The following MCC variants were observed in gnomAD, a reference collection of about 807,000 sequenced individuals.
MCC encodes colorectal mutant cancer protein.
Under a neutral mutation model 116.2 loss-of-function variants are expected in MCC, and 90 were observed. The observed-to-expected ratio is 0.77, with a 90% confidence interval of 0.65 to 0.92. The LOEUF (loss-of-function observed/expected upper bound fraction) is 0.92, where lower values mean the gene tolerates loss of function less well. MCC is among the 40% of genes least tolerant of loss of function. The pLI, the probability that MCC is intolerant of heterozygous loss-of-function variation, is 0.00. For synonymous variants in MCC, 578 were observed against 510.5 expected (o/e 1.13, Z -1.78); for missense variants, 1,516 against 1,312.2 (o/e 1.16, Z -2.40).
chr5:113,047,219 C>T (rs1752152834), intron 16 of MCC, among the ~76,000 whole-genome samples: 1 of 152,212 alleles, frequency 6.6e-6, no homozygotes. Flanking sequence ...CACTGCTCTG[C>T]GATCACCCAT....
chr5:113,234,258 A>C (rs1161084507), intron 3 of MCC, among the ~76,000 whole-genome samples: 1 of 152,192 alleles, frequency 6.6e-6, no homozygotes, highest in African/African-American at 2.4e-5. Flanking sequence ...AATTACCTTT[A>C]AATGCTCCAT....
chr5:113,330,594 C>G (rs1214081160), intron 3 of MCC, among the ~76,000 whole-genome samples: 2 of 152,196 alleles, frequency 1.3e-5, no homozygotes, highest in African/African-American at 4.8e-5. Flanking sequence ...TGCTGCCAAG[C>G]AGCTACTCTG....
chr5:113,319,849 C>G (rs1767376289), intron 3 of MCC, among the ~76,000 whole-genome samples: 2 of 152,186 alleles, frequency 1.3e-5, no homozygotes, highest in South Asian at 4.1e-4. Context: ...CAAAACTTTG[C>G]CTTGGAGAAG....
intron 3 of MCC, among the ~76,000 whole-genome samples, chr5:113,291,750 G>C (rs1048089781): frequency 8.5e-5 from 13 of 152,202 alleles, no homozygotes; most frequent in African/African-American, 3.1e-4. Flanking sequence ...GATATTAAGC[G>C]AAAACTAGTG....
At chr5:113,175,330 G>A (rs1203289609) in intron 3 of MCC, among the ~76,000 whole-genome samples, 2 of 152,150 alleles carry the variant, frequency 1.3e-5, no homozygotes, top group African/African-American at 2.4e-5. Context: ...GCTGGAAAGA[G>A]GTACTACAAT....
intron 3 of MCC, among the ~76,000 whole-genome samples, chr5:113,229,769 T>G (rs370400447): frequency 5.9e-5 from 9 of 152,218 alleles, no homozygotes; most frequent in Non-Finnish European, 1.3e-4. Context: ...TGTGCTACTA[T>G]TGGCTACAGT....
intron 1 of MCC, among the ~76,000 whole-genome samples, chr5:113,471,527 TG>T: frequency 1.3e-5 from 2 of 152,154 alleles, no homozygotes; most frequent in East Asian, 3.9e-4. Flanking sequence ...ATCGTTCCTC[TG>T]GAAGTTTTGT....
At chr5:113,108,066 CA>C (rs1480764992) in intron 6 of MCC, among the ~76,000 whole-genome samples, 1 of 152,154 alleles carries the variant, frequency 6.6e-6, no homozygotes, top group African/African-American at 2.4e-5. Flanking sequence ...CCATAGAGGC[CA>C]GGCGCAGTGG....
At chr5:113,195,249 G>A (rs1446717691) in intron 3 of MCC, among the ~76,000 whole-genome samples, 1 of 152,216 alleles carries the variant, frequency 6.6e-6, no homozygotes, top group Non-Finnish European at 1.5e-5. Context: ...GCTCGGAAGG[G>A]GTGACCAGTG....
chr5:113,169,127 A>T (rs564308965), intron 3 of MCC, among the ~76,000 whole-genome samples: 12 of 152,236 alleles, frequency 7.9e-5, no homozygotes, highest in African/African-American at 2.9e-4. Context: ...AGGAAGACAG[A>T]AAGAAGGGAC....
intron 1 of MCC, among the ~76,000 whole-genome samples, chr5:113,470,511 C>T (rs1217357363): frequency 6.6e-6 from 1 of 152,114 alleles, no homozygotes; most frequent in Non-Finnish European, 1.5e-5. Context: ...ATATTCGTCC[C>T]CACTCTCTTC....
chr5:113,383,219 T>C (rs1314878759), intron 2 of MCC, among the ~76,000 whole-genome samples: 8 of 152,214 alleles, frequency 5.3e-5, no homozygotes, highest in East Asian at 3.8e-4. Context: ...TAGTATGCAA[T>C]TATTGGTTGG....
At chr5:113,319,391 A>G (rs1767364229) in intron 3 of MCC, among the ~76,000 whole-genome samples, 1 of 152,208 alleles carries the variant, frequency 6.6e-6, no homozygotes, top group Non-Finnish European at 1.5e-5. Context: ...AAGGACTGGA[A>G]GAGAACTATA....
chr5:113,094,393 T>C (rs1236013123), intron 8 of MCC, among the ~76,000 whole-genome samples: 3 of 151,854 alleles, frequency 2.0e-5, no homozygotes, highest in Admixed American at 6.6e-5. Flanking sequence ...AATGGTTGCA[T>C]TGGAAAAGGC....
At chr5:113,435,374 T>C (rs1184318434) in intron 1 of MCC, among the ~76,000 whole-genome samples, 1 of 149,948 alleles carries the variant, frequency 6.7e-6, no homozygotes, top group Non-Finnish European at 1.5e-5. Context: ...ACCCCTGGCC[T>C]GCATAGAAAA....
In MCC at chr5:113,485,263, T is replaced by TGAG. The variant is rs368291291; in HGVS notation, c.170+2979_170+2981dup. Reference sequence around the variant, plus strand: ...ATTTCCAGCCTACTCCTGTTTAGAATGAGGGTTCAGCGGAGGACCAGAGCA... The same window carrying TGAG: ...ATTTCCAGCCTACTCCTGTTTAGAATGAGGAGGGTTCAGCGGAGGACCAGAGCA... On this transcript the variant is annotated intron_variant, in intron 1 of 18. Transcript: ENST00000408903. Among the ~76,000 whole-genome samples, 548 of 152,276 alleles carry TGAG rather than the reference T, an allele frequency of 3.6e-3. 7 individuals are homozygous for TGAG. Among genetic ancestry groups the TGAG allele is most frequent in the African/African-American group, 0.013 (534 of 41,566 alleles).
intron 8 of MCC, among the ~76,000 whole-genome samples, chr5:113,092,180 A>G (rs1017950294): frequency 2.0e-5 from 3 of 152,080 alleles, no homozygotes; most frequent in Non-Finnish European, 2.9e-5. Flanking sequence ...TGTACGGCAA[A>G]AGGGAACTGA....
intron 8 of MCC, among the ~76,000 whole-genome samples, chr5:113,088,882 C>T (rs1291659389): frequency 6.6e-6 from 1 of 152,138 alleles, no homozygotes; most frequent in Non-Finnish European, 1.5e-5. Flanking sequence ...CTCATGGGCT[C>T]AAGAGATTTT....
intron 3 of MCC, among the ~76,000 whole-genome samples, chr5:113,222,523 A>G (rs1423701734): frequency 6.6e-6 from 1 of 152,214 alleles, no homozygotes; most frequent in Non-Finnish European, 1.5e-5. Context: ...TCACCAGTGA[A>G]TCTAGGTCCT....
Sources: allele counts gnomAD v4.1 joint callset (sites outside exome capture counted in the v4.1 genomes callset), GRCh38; gene constraint gnomAD v4.1.1; transcripts MANE v1.5; gene names NCBI Gene and HGNC (gene_info 2026-07-23, HGNC 2026-07-21).